The following LUZP2 variants were observed in gnomAD, a reference collection of about 807,000 sequenced individuals.
The protein encoded by LUZP2 is leucine zipper protein 2.
Under a neutral mutation model 51.6 loss-of-function variants are expected in LUZP2, and 52 were observed. The ratio of observed to expected loss-of-function variants is 1.01; its 90% CI spans 0.81 to 1.27. The LOEUF is 1.27. Among genes scored for constraint, LUZP2 ranks in the 50% most tolerant of loss-of-function variants. The pLI is 0.00. For missense variants in LUZP2, 436 were observed against 395.4 expected, an observed-to-expected ratio of 1.10 and a Z score of -0.87; for synonymous variants, 154 against 137.3, an observed-to-expected ratio of 1.12 and a Z score of -0.85.
chr11:24,941,819 T>A (rs1854756732), intron 7 of LUZP2, among the ~76,000 whole-genome samples: 1 of 152,142 alleles, frequency 6.6e-6, no homozygotes, highest in Non-Finnish European at 1.5e-5. Flanking sequence ...GGACAATTTA[T>A]TGAGTTTTGA....
intron 1 of LUZP2, among the ~76,000 whole-genome samples, chr11:24,695,042 A>C (rs1052136794): frequency 6.6e-6 from 1 of 152,048 alleles, no homozygotes. Context: ...ATGTATACCT[A>C]TGTAACAAAC....
intron 9 of LUZP2, among the ~76,000 whole-genome samples, chr11:25,048,825 TTTAA>T (rs904358403): frequency 9.2e-5 from 14 of 151,450 alleles, no homozygotes; most frequent in African/African-American, 3.4e-4. Context: ...TATTTATTTA[TTTAA>T]TTAATTAATT....
intron 1 of LUZP2, among the ~76,000 whole-genome samples, chr11:24,603,457 C>G (rs984704141): frequency 4.6e-5 from 7 of 151,706 alleles, no homozygotes; most frequent in Admixed American, 2.0e-4. Context: ...CAAGTGAGAA[C>G]CAGAAATTTG....
chr11:24,894,467 GC>G (rs1322098702), intron 5 of LUZP2, among the ~76,000 whole-genome samples: 5 of 152,070 alleles, frequency 3.3e-5, no homozygotes, highest in Non-Finnish European at 5.9e-5. Context: ...GAGCCACCGT[GC>G]CCGGCCAGAT....
At chr11:25,040,082 G>T (rs186126554) in intron 9 of LUZP2, among the ~76,000 whole-genome samples, 11 of 152,062 alleles carry the variant, frequency 7.2e-5, no homozygotes, top group Non-Finnish European at 8.8e-5. Flanking sequence ...AAAACCAACA[G>T]AAATTTCTAG....
intron 5 of LUZP2, among the ~76,000 whole-genome samples, chr11:24,827,173 G>A (rs564008490): frequency 1.3e-5 from 2 of 152,302 alleles, no homozygotes; most frequent in Non-Finnish European, 2.9e-5. Flanking sequence ...GGCATATTCA[G>A]TTGAGGGACC....
At chr11:24,767,559 T>G (rs1860238563) in intron 5 of LUZP2, among the ~76,000 whole-genome samples, 1 of 152,210 alleles carries the variant, frequency 6.6e-6, no homozygotes, top group South Asian at 2.1e-4. Flanking sequence ...TTCTGTGTGT[T>G]TAAGCTCAAG....
chr11:24,730,648 A>G (rs942867849), intron 2 of LUZP2, among the ~76,000 whole-genome samples: 3 of 151,850 alleles, frequency 2.0e-5, no homozygotes, highest in African/African-American at 4.8e-5. Context: ...TCTCAGAGGC[A>G]TAGAACACTT....
chr11:24,907,436 C>T (rs1329958203), intron 6 of LUZP2, among the ~76,000 whole-genome samples: 1 of 151,706 alleles, frequency 6.6e-6, no homozygotes, highest in East Asian at 1.9e-4. Flanking sequence ...GATGATGTTC[C>T]ATAGGATGAA....
intron 1 of LUZP2, among the ~76,000 whole-genome samples, chr11:24,614,236 C>A (rs1024164700): frequency 6.6e-6 from 1 of 151,920 alleles, no homozygotes; most frequent in African/African-American, 2.4e-5. Flanking sequence ...ACCATCCAGT[C>A]CATTCCATTT....
At chr11:24,852,115 T>C (rs928234885) in intron 5 of LUZP2, among the ~76,000 whole-genome samples, 1 of 94,586 alleles carries the variant, frequency 1.1e-5, no homozygotes, top group African/African-American at 3.0e-5. Flanking sequence ...TCTCCTTCAG[T>C]TCTGCTCTTA....
At chr11:24,510,318 A>G (rs1199065499) in intron 1 of LUZP2, among the ~76,000 whole-genome samples, 1 of 152,212 alleles carries the variant, frequency 6.6e-6, no homozygotes, top group African/African-American at 2.4e-5. Context: ...GGCAGGACTA[A>G]AGAAGATGGT....
chr11:24,580,731 TACC>T lies in LUZP2; in HGVS notation c.62+83429_62+83431del, dbSNP rs149365817. On this transcript the variant is annotated intron_variant, in intron 1 of 11. Transcript: ENST00000336930. The stretch of plus-strand genomic sequence containing the variant: ...ATGAGCCTCTCTAATTTGACTTCCA[TACC>T]ACATTATAAATTTTATTCCATGTTT... 6.9e-3 allele frequency among the ~76,000 whole-genome samples: 1,044 copies of T among 152,268 alleles called. 11 individuals are homozygous for T. Among genetic ancestry groups the T allele is most frequent in the African/African-American group, 0.024 (1,004 of 41,566 alleles).
rs1859420235 is a variant in LUZP2, at chr11:25,079,958, G to T, written c.*1300G>T. ...ATCAATAAATGAACTTAGATTCTGA[G>T]ATTTAATGGCATACCTCTGATCAAA... On this transcript the variant is annotated 3_prime_UTR_variant, in exon 12 of 12. Transcript: ENST00000336930. The T allele has an allele frequency of 6.6e-6, 1 of 152,106 alleles. No homozygotes were observed. The highest frequency in any genetic ancestry group is 1.5e-5 in the Non-Finnish European group (1 of 68,020). The allele number at this position is 152,106 out of a possible 1,614,324, so 9.4% of individuals were successfully genotyped here. A position where few individuals can be genotyped will look rare whatever the true frequency, so the allele number is the denominator to read the frequency against.
chr11:24,738,833 G>A (rs980779256), intron 4 of LUZP2, among the ~76,000 whole-genome samples: 2 of 151,986 alleles, frequency 1.3e-5, no homozygotes, highest in East Asian at 1.9e-4. Flanking sequence ...ATGTTCCCTT[G>A]ACCCCACCGT....
chr11:24,872,635 T>A (rs774397613), intron 5 of LUZP2, among the ~76,000 whole-genome samples: 1 of 152,048 alleles, frequency 6.6e-6, no homozygotes, highest in Non-Finnish European at 1.5e-5. Context: ...CACTTATGGA[T>A]TTTTTTTAAT....
intron 9 of LUZP2, among the ~76,000 whole-genome samples, chr11:25,043,521 C>T (rs1858144259): frequency 8.4e-6 from 1 of 118,388 alleles, no homozygotes; most frequent in Non-Finnish European, 2.0e-5. Context: ...GTACTTTTTA[C>T]ATCATGTGAC....
At chr11:24,771,491 T>A (rs574525502) in intron 5 of LUZP2, among the ~76,000 whole-genome samples, 2 of 150,424 alleles carry the variant, frequency 1.3e-5, no homozygotes, top group African/African-American at 4.9e-5. Context: ...CCATAGCACA[T>A]CATAGTTCAC....
Position 24,565,109 on chromosome 11 carries a change from G to T in LUZP2, c.62+67804G>T, listed in dbSNP as rs144570520. Among the ~76,000 whole-genome samples, 41 of 152,174 alleles carry T rather than the reference G, an allele frequency of 2.7e-4. 1 individual carries two copies. Among genetic ancestry groups the T allele is most frequent in the Non-Finnish European group, 5.4e-4 (37 of 68,006 alleles). On this transcript the variant is annotated intron_variant, in intron 1 of 11. Coordinates refer to ENST00000336930, the MANE Select transcript of LUZP2 (RefSeq NM_001009909.4). ...TAAGATCAGTTCTTTAAATGACAAGGAATTCCACTCCTACCAAAAAATTGG... is the reference window on the plus strand; with the variant it reads ...TAAGATCAGTTCTTTAAATGACAAGTAATTCCACTCCTACCAAAAAATTGG...
Sources: allele counts gnomAD v4.1 joint callset (sites outside exome capture counted in the v4.1 genomes callset), GRCh38; gene constraint gnomAD v4.1.1; transcripts MANE v1.5; gene names NCBI Gene and HGNC (gene_info 2026-07-23, HGNC 2026-07-21).